TBC1D2B: variants seen among roughly 807,000 people sequenced by gnomAD.
TBC1D2B encodes TBC1 domain family member 2B.
In TBC1D2B, 64 loss-of-function variants were observed where a neutral mutation model predicts 100.8. The ratio of observed to expected loss-of-function variants is 0.64; its 90% CI spans 0.52 to 0.78. TBC1D2B has a LOEUF of 0.78. Ranked by LOEUF, TBC1D2B falls within the 30% of genes least tolerant of loss-of-function variation. The pLI is 0.00. For missense variants in TBC1D2B, 1,052 were observed against 1,218.4 expected, an observed-to-expected ratio of 0.86 and a Z score of 2.03; for synonymous variants, 480 against 479.7, an observed-to-expected ratio of 1.00 and a Z score of -0.01.
Position 78,001,886 on chromosome 15 carries a change from G to C in TBC1D2B, c.2575-146C>G. 5.7e-6 allele frequency: 5 copies of C among 881,016 alleles called. No individual in the cohort carries two copies. The South Asian group carries it at 1.0e-4, about 18-fold the overall frequency. The allele number at this position is 881,016 out of a possible 1,614,324, so 54.6% of individuals were successfully genotyped here. A position where few individuals can be genotyped will look rare whatever the true frequency, so the allele number is the denominator to read the frequency against. ...CCCTGGGGAAAGACTATTGACCTGA[G>C]GGGCAATTTTCACTGGCTAGGCCAA... On this transcript the variant is annotated intron_variant, in intron 11 of 12. Transcript: ENST00000300584.
Position 78,013,674 on chromosome 15 carries a change from T to C in TBC1D2B, c.1776-357A>G, listed in dbSNP as rs138915585. On this transcript the variant is annotated intron_variant, in intron 8 of 12. Coordinates refer to ENST00000300584, the MANE Select transcript of TBC1D2B (RefSeq NM_144572.2). ...AATATATGTGTATGTTTCTTTATCA[T>C]ATATATACACTACATATGTATAACT... is the stretch of plus-strand genomic sequence containing the variant. 2.8e-3 allele frequency among the ~76,000 whole-genome samples: 420 copies of C among 152,290 alleles called. 3 individuals are homozygous for C. The highest frequency in any genetic ancestry group is 9.9e-3 in the African/African-American group (413 of 41,546).
At chr15:78,072,996 C>T (rs2073764171) in intron 1 of TBC1D2B, among the ~76,000 whole-genome samples, 1 of 152,128 alleles carries the variant, frequency 6.6e-6, no homozygotes, top group African/African-American at 2.4e-5. Flanking sequence ...ATATTAAATG[C>T]AATAGAAGGA....
Position 78,034,491 on chromosome 15 carries a change from C to A in TBC1D2B, c.684-4321G>T, listed in dbSNP as rs535032734. On this transcript the variant is annotated intron_variant, in intron 3 of 12. Transcript: ENST00000300584. ...TCTCCTTACCATTTGCCCTAGCTGT[C>A]AAACTGTGCTCCTCAGCTCTGGTTC... The A allele has an allele frequency of 2.3e-5, 23 of 985,386 alleles. No homozygotes were observed. In the South Asian group the frequency reaches 8.9e-4, roughly 38 times the overall value. The allele number at this position is 985,386 out of a possible 1,614,324, so 61.0% of individuals were successfully genotyped here.
intron 1 of TBC1D2B, among the ~76,000 whole-genome samples, chr15:78,072,002 T>C (rs1301503861): frequency 2.6e-5 from 4 of 152,206 alleles, no homozygotes; most frequent in Non-Finnish European, 4.4e-5. Context: ...AGATCATCTC[T>C]CCAGGGTCTC....
chr15:78,046,683 A>G (rs7169882), intron 2 of TBC1D2B, among the ~76,000 whole-genome samples: 135,109 of 152,036 alleles, frequency 0.89, 60,737 homozygotes, highest in East Asian at 0.99. Flanking sequence ...TATTGCCCAA[A>G]CTAGTCTTGA....
chr15:78,019,940 A>C (rs1350439215), intron 6 of TBC1D2B, among the ~76,000 whole-genome samples: 1 of 150,684 alleles, frequency 6.6e-6, no homozygotes, highest in Non-Finnish European at 1.5e-5. Context: ...CCCAGGCTGG[A>C]GTGCAGTAGC....
At chr15:78,061,202 C>T (rs1434588615) in intron 1 of TBC1D2B, among the ~76,000 whole-genome samples, 2 of 151,642 alleles carry the variant, frequency 1.3e-5, no homozygotes, top group Admixed American at 6.6e-5. Context: ...CAAGATTGTG[C>T]CATTGCACTC....
rs558012986 is a variant in TBC1D2B, at chr15:78,015,335, G to C, written c.1775+1211C>G. Among the ~76,000 whole-genome samples the C allele has an allele frequency of 4.6e-5, 7 of 152,172 alleles. No homozygotes were observed. In the South Asian group the frequency reaches 1.5e-3, roughly 32 times the overall value. On this transcript the variant is annotated intron_variant, in intron 8 of 12. Coordinates refer to ENST00000300584, the MANE Select transcript of TBC1D2B (RefSeq NM_144572.2). The stretch of plus-strand genomic sequence containing the variant: ...AATTGCTCAAGTTAGTTGCACACAG[G>C]GGTATATGTTACATAATTCTGTCTA...
chr15:78,040,691 AAG>A (rs2073058255), intron 3 of TBC1D2B, among the ~76,000 whole-genome samples: 3 of 129,096 alleles, frequency 2.3e-5, no homozygotes, highest in Non-Finnish European at 3.3e-5. Flanking sequence ...GAAAGAAAGA[AAG>A]GGGGGGAGGG....
At position 77,995,214 on chromosome 15, in the gene TBC1D2B, C is replaced by G. The variant is rs1224391378; in HGVS notation, c.*2946G>C. 1 of 152,114 alleles carries G rather than the reference C, an allele frequency of 6.6e-6. No individual in the cohort carries two copies. The highest frequency in any genetic ancestry group is 2.4e-5 in the African/African-American group (1 of 41,432). The allele number at this position is 152,114 out of a possible 1,614,324, so 9.4% of individuals were successfully genotyped here. ...GGCAGGCCCAGCTGCCCAGAAGCCC[C>G]GGAACACACAGGAAGACAACACTAT... On this transcript the variant is annotated 3_prime_UTR_variant, in exon 13 of 13. Coordinates refer to ENST00000300584, the MANE Select transcript of TBC1D2B (RefSeq NM_144572.2).
At chr15:78,021,012 T>C (rs79479818) in intron 6 of TBC1D2B, among the ~76,000 whole-genome samples, 4,602 of 152,222 alleles carry the variant, frequency 0.03, 250 homozygotes, top group African/African-American at 0.11. Flanking sequence ...CGAAAGTCCA[T>C]ACACTTCAAA....
At chr15:78,024,686 T>C (rs1438294258) in intron 5 of TBC1D2B, 147 bp from the exon 6 acceptor site, 1 of 744,018 alleles carries the variant, frequency 1.3e-6, no homozygotes, top group East Asian at 2.7e-5. Flanking sequence ...GAACTTCCTC[T>C]TGAAGGATCT....
At chr15:78,066,148 G>A in intron 1 of TBC1D2B, 1 of 454,978 alleles carries the variant, frequency 2.2e-6, no homozygotes, top group South Asian at 1.6e-5. Context: ...CTAGCACGTA[G>A]GGTCTGCCAG....
At chr15:78,015,794 A>G (rs188331716) in intron 8 of TBC1D2B, among the ~76,000 whole-genome samples, 2 of 152,144 alleles carry the variant, frequency 1.3e-5, no homozygotes, top group African/African-American at 4.8e-5. Flanking sequence ...AACATCCATA[A>G]AAGTGTTTAG....
At chr15:78,063,879 T>C (rs1214066870) in intron 1 of TBC1D2B, among the ~76,000 whole-genome samples, 1 of 151,778 alleles carries the variant, frequency 6.6e-6, no homozygotes, top group East Asian at 1.9e-4. Flanking sequence ...CAGATTCATC[T>C]ACCCCTGGGC....
chr15:77,998,420 C>G, intron 12 of TBC1D2B, 65 bp from the exon 13 acceptor site: 2 of 1,445,774 alleles, frequency 1.4e-6, no homozygotes, highest in Non-Finnish European at 1.9e-6. Flanking sequence ...ACACACAGCC[C>G]TCACAGGCAT....
At chr15:78,026,164 T>TTA (rs2072663907) in intron 4 of TBC1D2B, among the ~76,000 whole-genome samples, 3 of 149,618 alleles carry the variant, frequency 2.0e-5, no homozygotes, top group African/African-American at 7.3e-5. Flanking sequence ...TTTTTTTTTT[T>TTA]AACATACAAA....
intron 1 of TBC1D2B, among the ~76,000 whole-genome samples, chr15:78,065,175 G>A (rs1486961140): frequency 6.6e-6 from 1 of 152,122 alleles, no homozygotes; most frequent in African/African-American, 2.4e-5. Context: ...CTTTTAAAAA[G>A]CAAACACCTT....
At chr15:78,026,727 C>A (rs1021700010) in intron 4 of TBC1D2B, among the ~76,000 whole-genome samples, 8 of 151,928 alleles carry the variant, frequency 5.3e-5, no homozygotes, top group African/African-American at 1.5e-4. Flanking sequence ...ACCAGCCTGA[C>A]CAACATGGAG....
Sources: gnomAD v4.1 joint callset for allele counts (sites outside exome capture counted in the v4.1 genomes callset) on GRCh38, gnomAD v4.1.1 for gene constraint, MANE v1.5 for transcripts, NCBI Gene and HGNC (gene_info 2026-07-23, HGNC 2026-07-21) for gene names.